The following CAPN12 variants were observed in gnomAD, a reference collection of about 807,000 sequenced individuals.
CAPN12 encodes calpain-12.
CAPN12 carries 107 observed loss-of-function variants against 95.0 expected under a neutral mutation model. The ratio of observed to expected loss-of-function variants is 1.13; its 90% CI spans 0.96 to 1.32. The LOEUF (loss-of-function observed/expected upper bound fraction) is 1.32. CAPN12 is among the 40% of genes most tolerant of loss of function. The pLI is 0.00. For missense variants in CAPN12, 1,136 were observed against 997.8 expected (o/e 1.14, Z -1.87); for synonymous variants, 505 against 415.5 (o/e 1.22, Z -2.62).
chr19:38,734,267 C>T (rs1178946972), intron 16 of CAPN12, 52 bp downstream of exon 16: 1 of 1,604,112 alleles, frequency 6.2e-7, no homozygotes, highest in Non-Finnish European at 8.5e-7. Context: ...GGAGAGACCC[C>T]AACGTCCCCT....
intron 11 of CAPN12, 55 bp downstream of exon 11, chr19:38,736,495 AAG>A: frequency 6.5e-7 from 1 of 1,530,960 alleles, no homozygotes; most frequent in Non-Finnish European, 8.8e-7. Context: ...CAGGTTGACC[AAG>A]CCCCAGGGCA....
intron 15 of CAPN12, 196 bp downstream of exon 15, chr19:38,734,594 CCTTGCCTTTCAGCGGAAGGGGAG>C: frequency 1.5e-6 from 1 of 653,060 alleles, no homozygotes; most frequent in South Asian, 2.0e-5. Flanking sequence ...CTCAAGGCAG[CCTTGCCTTTCAGCGGAAGGGGAG>C]CTTGCGAGCA....
rs779170794 is a variant in CAPN12 at position 38,738,630 on chromosome 19, G to T, written c.748C>A (p.Arg250Ser). 3 of 1,613,966 alleles carry T rather than the reference G, an allele frequency of 1.9e-6. No homozygotes were observed. In the South Asian group the frequency reaches 3.3e-5, roughly 18 times the overall value. ...CCCTTTACCAGGCCCTCTTCTGTGC[G>T]GTACTCACCCCGATCACTCTGGGCA... The part of the protein sequence containing the change: ...ATALSDRGEY[R>S]TEEGLVKGHA... Residue 250 changes from arginine to serine, a missense_variant, in exon 6 of 21, where the codon CGC (arginine) becomes AGC (serine). Physicochemically the swap from Arg to Ser is moderately radical, Grantham distance 110. Transcript: ENST00000328867.
At chr19:38,733,884 C>A in intron 17 of CAPN12, 103 bp from the exon 18 acceptor site, 1 of 1,017,758 alleles carries the variant, frequency 9.8e-7, no homozygotes, top group Non-Finnish European at 1.5e-6. Flanking sequence ...AACTCCCTTT[C>A]TTCTGGTGTG....
rs1052902721 is a variant in CAPN12 at position 38,736,295 on chromosome 19, C to T, written c.1398G>A (p.Pro466=). The T allele has an allele frequency of 4.2e-5, 61 of 1,439,254 alleles. No homozygotes were observed. In the African/African-American group the frequency reaches 6.7e-4, roughly 16 times the overall value. 89.2% of individuals were successfully genotyped at this position (1,439,254 alleles called of 1,614,324 possible). ...PEELLGLWDS[P]RSHALLPRLL... is the part of the protein sequence containing the mutation. ...GCCGGGGCAGGAGCGCATGGCTGCG[C>T]GGGGAATCCCAGAGGCCCAGCAGCT... The change falls in exon 12 of 21, where the codon CCG becomes CCA. Residue 466 remains proline, a synonymous_variant. Transcript: ENST00000328867.
At position 38,738,436 on chromosome 19, in the gene CAPN12, G is replaced by A. The variant is rs565486508; in HGVS notation, c.872C>T (p.Thr291Met). Reference sequence around the variant, plus strand: ...ATCCCACCTGTCGCTCCAGGCCCCCGTCCACTCCACGCAGCCCCATGGGTT... The same window carrying A: ...ATCCCACCTGTCGCTCCAGGCCCCCATCCACTCCACGCAGCCCCATGGGTT... ...LRNPWGCVEW[T>M]GAWSDSCPRW... Residue 291 changes from threonine (T) to methionine (M), a missense_variant, in exon 7 of 21, where the codon ACG becomes ATG. Thr to Met is a moderately conservative substitution (Grantham distance 81, BLOSUM62 -1). Transcript: ENST00000328867. 45 of 1,529,402 alleles carry A rather than the reference G, an allele frequency of 2.9e-5. No individual in the cohort carries two copies. Among genetic ancestry groups the A allele is most frequent in the South Asian group, 1.4e-4 (13 of 89,672 alleles). The allele number at this position is 1,529,402 out of a possible 1,614,324, so 94.7% of individuals were successfully genotyped here. A position where few individuals can be genotyped will look rare whatever the true frequency, so the allele number is the denominator to read the frequency against.
intron 10 of CAPN12, chr19:38,736,823 C>T: frequency 1.7e-6 from 1 of 590,066 alleles, no homozygotes; most frequent in Admixed American, 3.1e-5. Flanking sequence ...CTCTCTCTGT[C>T]CCTAACCTCG....
intron 10 of CAPN12, 58 bp from the exon 11 acceptor site, chr19:38,736,621 G>A (rs1970192152): frequency 6.4e-7 from 1 of 1,562,632 alleles, no homozygotes; most frequent in African/African-American, 1.3e-5. Flanking sequence ...GCCGCTCAGG[G>A]TCTCCTCCCT....
At chr19:38,736,068 T>C in intron 12 of CAPN12, 42 bp downstream of exon 12, 2 of 1,335,060 alleles carry the variant, frequency 1.5e-6, no homozygotes, top group South Asian at 2.9e-5. Flanking sequence ...TCGGGGCCTG[T>C]CTAGGCAGGG....
Position 38,730,824 on chromosome 19 carries a change from G to A in CAPN12, c.*28C>T. ...TGGTCTTGCTCAGCAACCCTGCCCT[G>A]AGCAGCAGGTGCGCCCATCCGGAGA... is the stretch of plus-strand genomic sequence containing the variant. On this transcript the variant is annotated 3_prime_UTR_variant, in exon 21 of 21. Transcript: ENST00000328867. 1 of 1,550,510 alleles carries A rather than the reference G, an allele frequency of 6.4e-7. No individual in the cohort carries two copies. The highest frequency in any genetic ancestry group is 8.7e-7 in the Non-Finnish European group (1 of 1,147,034).
In CAPN12 at chr19:38,743,864, A is replaced by G. The variant is rs1381396325; in HGVS notation, c.237+65T>C. Reference sequence around the variant, plus strand: ...CCCCCAGCCTTCCTTCCTCAGACCCAGGAGTCCATGCCTCCAGCCCCTCCT... The same window carrying G: ...CCCCCAGCCTTCCTTCCTCAGACCCGGGAGTCCATGCCTCCAGCCCCTCCT... On this transcript the variant is annotated intron_variant, in intron 1 of 20. Transcript: ENST00000328867. 14 of 1,499,372 alleles carry G rather than the reference A, an allele frequency of 9.3e-6. No homozygotes were observed. In the Admixed American group the frequency reaches 2.4e-4, roughly 26 times the overall value. The allele number at this position is 1,499,372 out of a possible 1,614,324, so 92.9% of individuals were successfully genotyped here. A position where few individuals can be genotyped will look rare whatever the true frequency, so the allele number is the denominator to read the frequency against.
intron 5 of CAPN12, chr19:38,739,832 TA>T (rs1970443712): frequency 6.5e-6 from 3 of 459,312 alleles, no homozygotes; most frequent in African/African-American, 2.0e-5. Flanking sequence ...GAATGAGAAA[TA>T]AACATAGTTG....
At position 38,738,615 on chromosome 19, in the gene CAPN12, G is replaced by C. The variant is rs369793674; in HGVS notation, c.763C>G (p.Leu255Val). 29 of 1,613,922 alleles carry C rather than the reference G, an allele frequency of 1.8e-5. No individual in the cohort carries two copies. Among genetic ancestry groups the C allele is most frequent in the South Asian group, 4.4e-5 (4 of 91,080 alleles). Residue 255 changes from leucine (L) to valine (V), a missense_variant, in exon 6 of 21, where the codon CTG becomes GTG. Coordinates refer to ENST00000328867, the MANE Select transcript of CAPN12 (RefSeq NM_144691.4). ...ATGGAATACGCGTGTCCCTTTACCA[G>C]GCCCTCTTCTGTGCGGTACTCACCC... ...DRGEYRTEEG[L>V]VKGHAYSITG...
At position 38,735,426 on chromosome 19, in the gene CAPN12, G is replaced by A. The variant is rs151188087; in HGVS notation, c.1630C>T (p.Pro544Ser). ...ISADLQSLQG[P>S]YLPLELGLEQ... ...AACCCCAGCTCCAGGGGCAGGTAGG[G>A]GCCCTGCCGCATGGCGGAAGTTTAG... Residue 544 changes from proline (P) to serine (S), a missense_variant, in exon 14 of 21, where the codon CCC (proline) becomes TCC (serine). Coordinates refer to ENST00000328867, the MANE Select transcript of CAPN12 (RefSeq NM_144691.4). 1.2e-6 allele frequency: 2 copies of A among 1,610,788 alleles called. No homozygotes were observed. The highest frequency in any genetic ancestry group is 2.2e-5 in the South Asian group (2 of 90,898).
At chr19:38,733,996 G>A (rs1969824577) in intron 17 of CAPN12, 146 bp downstream of exon 17, 1 of 896,144 alleles carries the variant, frequency 1.1e-6, no homozygotes, top group Non-Finnish European at 1.7e-6. Context: ...CTGGGTGGGG[G>A]CAGGGATATC....
chr19:38,734,175 G>T lies in CAPN12; in HGVS notation c.1845C>A (p.Phe615Leu), dbSNP rs1421956125. The part of the protein sequence containing the change: ...GHGQSLALHH[F>L]QQLWGYLLEW... ...CCAGGAGGTAGCCCCAGAGCTGCTG[G>T]AAGTGGTGTAAGGCCAGGCTTTGCC... Residue 615 changes from phenylalanine to leucine, a missense_variant, in exon 17 of 21, where the codon TTC becomes TTA. Coordinates refer to ENST00000328867, the MANE Select transcript of CAPN12 (RefSeq NM_144691.4). 4 of 1,612,918 alleles carry T rather than the reference G, an allele frequency of 2.5e-6. No homozygotes were observed. The African/African-American group carries it at 5.3e-5, about 22-fold the overall frequency.
Position 38,737,727 on chromosome 19 carries a change from C to CA in CAPN12, c.966-90dup, listed in dbSNP as rs11413355. The stretch of plus-strand genomic sequence containing the variant: ...ATGACTCCCAGATCCCAAAGCCCCT[C>CA]ACATTTCTTAAATATTGTCAAATAC... On this transcript the variant is annotated intron_variant, in intron 8 of 20. Transcript: ENST00000328867. The CA allele has an allele frequency of 2.3e-3, 3,289 of 1,420,350 alleles. 51 individuals are homozygous for CA. The African/African-American group carries it at 0.035, about 15-fold the overall frequency. The allele number at this position is 1,420,350 out of a possible 1,614,324, so 88.0% of individuals were successfully genotyped here.
At chr19:38,736,088 G>T in intron 12 of CAPN12, 22 bp downstream of exon 12, 1 of 1,478,262 alleles carries the variant, frequency 6.8e-7, no homozygotes, top group Middle Eastern at 2.1e-4. Flanking sequence ...GATGGGGTCG[G>T]ATTTGGGTGC....
chr19:38,731,226 A>C lies in CAPN12; in HGVS notation c.1958-3T>G, dbSNP rs1969577232. 6.2e-7 allele frequency: 1 copy of C among 1,611,716 alleles called. No homozygotes were observed. The highest frequency in any genetic ancestry group is 8.5e-7 in the Non-Finnish European group (1 of 1,179,400). ...CAGCTGGTTGTTCAGGTGGAAGCCT[A>C]GGGGGAGGCTGCTTCTGAGCCCAGT... On this transcript the variant is annotated splice_region_variant and splice_polypyrimidine_tract_variant and intron_variant, in intron 18 of 20. Transcript: ENST00000328867.
Sources: allele counts gnomAD v4.1 joint callset, GRCh38; gene constraint gnomAD v4.1.1; transcripts MANE v1.5; gene names NCBI Gene and HGNC (gene_info 2026-07-23, HGNC 2026-07-21).